Variants in WWC2 observed in about 807,000 individuals in gnomAD.
WWC2 encodes the protein WW and C2 domain containing 2.
A neutral mutation model predicts 138.5 loss-of-function variants in WWC2; 101 were observed. The observed-to-expected ratio is 0.73, with a 90% CI of 0.62 to 0.86. The LOEUF (loss-of-function observed/expected upper bound fraction) is 0.86. Ranked by LOEUF, WWC2 falls within the 40% of genes least tolerant of loss-of-function variation. The pLI is 0.00. For missense variants in WWC2, 1,420 were observed against 1,419.4 expected (o/e 1.00, Z -0.01); for synonymous variants, 558 against 538.4 (o/e 1.04, Z -0.50).
intron 21 of WWC2, among the ~76,000 whole-genome samples, chr4:183,303,022 C>T (rs899846329): frequency 1.4e-5 from 2 of 142,780 alleles, no homozygotes; most frequent in Non-Finnish European, 3.0e-5. Context: ...GATCGTGCCA[C>T]TGCACTCCAG....
intron 9 of WWC2, among the ~76,000 whole-genome samples, chr4:183,255,365 TTTG>T (rs371471283): frequency 3.3e-5 from 5 of 152,024 alleles, no homozygotes; most frequent in African/African-American, 1.2e-4. Context: ...TTAATTTGTT[TTTG>T]TTGTTGTTGT....
At position 183,319,832 on chromosome 4, in the gene WWC2, C is replaced by A. The variant is rs754433732; in HGVS notation, c.*4103C>A. The stretch of plus-strand genomic sequence containing the variant: ...AGACGGGAACCAGGGCTGTGACTCC[C>A]GAGGCCCAGGACAGAATTCCTCCCA... On this transcript the variant is annotated 3_prime_UTR_variant, in exon 23 of 23. Transcript: ENST00000403733. 1.3e-5 allele frequency: 21 copies of A among 1,613,850 alleles called. No individual in the cohort carries two copies. The East Asian group carries it at 2.0e-4, about 15-fold the overall frequency.
intron 4 of WWC2, chr4:183,233,625 T>A (rs371570315): frequency 1.1e-4 from 17 of 152,000 alleles, no homozygotes; most frequent in East Asian, 9.7e-4. Context: ...TTAAAAAAAA[T>A]AATTGTGTTT....
intron 2 of WWC2, among the ~76,000 whole-genome samples, chr4:183,198,696 G>A (rs1735217479): frequency 7.0e-6 from 1 of 142,292 alleles, no homozygotes; most frequent in Non-Finnish European, 1.5e-5. Context: ...GCTCTTGCTT[G>A]TAGTCCCAGC....
chr4:183,295,118 CAG>C (rs1185671159), intron 21 of WWC2, among the ~76,000 whole-genome samples: 1 of 152,118 alleles, frequency 6.6e-6, no homozygotes, highest in East Asian at 1.9e-4. Context: ...GAAACTTGAG[CAG>C]ACATATTTTC....
At chr4:183,215,428 G>C (rs1023201696) in intron 4 of WWC2, among the ~76,000 whole-genome samples, 6 of 151,614 alleles carry the variant, frequency 4.0e-5, no homozygotes, top group Non-Finnish European at 1.5e-5. Flanking sequence ...GGAATGAGAT[G>C]ACTTGACTTA....
chr4:183,214,660 C>T (rs1306809335), intron 4 of WWC2, among the ~76,000 whole-genome samples: 2 of 151,756 alleles, frequency 1.3e-5, no homozygotes, highest in African/African-American at 2.4e-5. Flanking sequence ...GGTGTGGTGG[C>T]ACATGCCCGT....
At chr4:183,114,874 T>G (rs886952841) in intron 1 of WWC2, among the ~76,000 whole-genome samples, 1 of 152,122 alleles carries the variant, frequency 6.6e-6, no homozygotes, top group African/African-American at 2.4e-5. Flanking sequence ...TAGGCTAGAG[T>G]GCAGTGGCAA....
In WWC2 at chr4:183,260,003, T is replaced by C. The variant is rs571870497; in HGVS notation, c.1286+275T>C. Among the ~76,000 whole-genome samples, 9 of 152,312 alleles carry C rather than the reference T, an allele frequency of 5.9e-5. No homozygotes were observed. The South Asian group carries it at 6.2e-4, about 11-fold the overall frequency. ...CGCATTTTTCCCATTGCCCCATTTT[T>C]TAAAAAGGGAAAGTGGAGGAGCTTT... On this transcript the variant is annotated intron_variant, in intron 10 of 22. Coordinates refer to ENST00000403733, the MANE Select transcript of WWC2 (RefSeq NM_024949.6).
Position 183,099,631 on chromosome 4 carries a change from C to G in WWC2, c.131+9C>G. ...ATCGACCCCCGGGACAGGTGGGCGC[C>G]GGCCGCGGGGGCGCGGGCCCGTTCG... is the stretch of plus-strand genomic sequence containing the variant. On this transcript the variant is annotated intron_variant, in intron 1 of 22. Coordinates refer to ENST00000403733, the MANE Select transcript of WWC2 (RefSeq NM_024949.6). 7.5e-7 allele frequency: 1 copy of G among 1,329,876 alleles called. No individual in the cohort carries two copies. The highest frequency in any genetic ancestry group is 9.8e-7 in the Non-Finnish European group (1 of 1,023,232). 82.4% of individuals were successfully genotyped at this position (1,329,876 alleles called of 1,614,324 possible).
rs569870944 is a variant in WWC2 at position 183,150,488 on chromosome 4, G to A, written c.132-43111G>A. 2.7e-3 allele frequency among the ~76,000 whole-genome samples: 416 copies of A among 152,138 alleles called. 1 individual carries two copies. The highest frequency in any genetic ancestry group is 0.024 in the Middle Eastern group (7 of 294). On this transcript the variant is annotated intron_variant, in intron 1 of 22. Transcript: ENST00000403733. ...TCAAAATCAGAGTTTTACATTGTAC[G>A]TTGATGTCATTATATAGTATTAGGT...
At chr4:183,144,064 C>G (rs1002200868) in intron 1 of WWC2, among the ~76,000 whole-genome samples, 6 of 152,170 alleles carry the variant, frequency 3.9e-5, no homozygotes, top group Non-Finnish European at 7.3e-5. Context: ...ATAATAAACT[C>G]TTCTGAGTAT....
rs543347040 is a variant in WWC2 at position 183,279,558 on chromosome 4, T to C, written c.2563-1218T>C. 2.0e-5 allele frequency among the ~76,000 whole-genome samples: 3 copies of C among 152,324 alleles called. No homozygotes were observed. The South Asian group carries it at 6.2e-4, about 32-fold the overall frequency. The stretch of plus-strand genomic sequence containing the variant: ...ATAGTTTCAGAAAGATTGGTACCAG[T>C]TCCTCCTTGTACTTCTGGTAGAATT... On this transcript the variant is annotated intron_variant, in intron 16 of 22. Transcript: ENST00000403733.
chr4:183,109,585 A>G (rs929429269), intron 1 of WWC2, among the ~76,000 whole-genome samples: 1 of 152,174 alleles, frequency 6.6e-6, no homozygotes, highest in Non-Finnish European at 1.5e-5. Context: ...TGTGCAGTTC[A>G]TTATAGGGTT....
intron 2 of WWC2, among the ~76,000 whole-genome samples, chr4:183,200,208 A>G (rs1281215885): frequency 1.0e-5 from 1 of 97,460 alleles, no homozygotes; most frequent in Admixed American, 1.3e-4. Context: ...CATCATCATT[A>G]TTGCCCTTTA....
chr4:183,157,149 G>A lies in WWC2; in HGVS notation c.132-36450G>A, dbSNP rs541677766. Among the ~76,000 whole-genome samples the A allele has an allele frequency of 2.0e-5, 3 of 152,258 alleles. No individual in the cohort carries two copies. The South Asian group carries it at 6.2e-4, about 32-fold the overall frequency. ...CTCACCTGTTTTATGTAGTTGTGAT[G>A]TCTTTTTGTTCCCCTTTAATCTGGA... On this transcript the variant is annotated intron_variant, in intron 1 of 22. Coordinates refer to ENST00000403733, the MANE Select transcript of WWC2 (RefSeq NM_024949.6).
intron 4 of WWC2, chr4:183,233,630 G>C (rs1015566814): frequency 6.6e-6 from 1 of 151,910 alleles, no homozygotes; most frequent in South Asian, 2.1e-4. Flanking sequence ...AAAAATAATT[G>C]TGTTTAGCCA....
intron 1 of WWC2, among the ~76,000 whole-genome samples, chr4:183,191,737 T>G (rs1000942941): frequency 4.7e-3 from 2 of 426 alleles, no homozygotes; most frequent in Non-Finnish European, 0.031. Context: ...TCATTTTAGT[T>G]TTTTTTTAGA....
chr4:183,267,379 A>G (rs1340544365), intron 14 of WWC2, among the ~76,000 whole-genome samples: 1 of 152,200 alleles, frequency 6.6e-6, no homozygotes, highest in African/African-American at 2.4e-5. Context: ...GGTGTCCAGG[A>G]AGACTGGCTT....
Sources: allele counts gnomAD v4.1 joint callset (sites outside exome capture counted in the v4.1 genomes callset), GRCh38; gene constraint gnomAD v4.1.1; transcripts MANE v1.5; gene names NCBI Gene and HGNC (gene_info 2026-07-23, HGNC 2026-07-21).